The following HPSE2 variants were observed in gnomAD, a reference collection of about 807,000 sequenced individuals.
The protein encoded by HPSE2 is heparanase 2 (inactive), also known as inactive heparanase-2.
A neutral mutation model predicts 60.5 loss-of-function variants in HPSE2; 38 were observed. The ratio of observed to expected loss-of-function variants is 0.63; its 90% CI spans 0.48 to 0.82. The LOEUF is 0.82. HPSE2 is among the 40% of genes least tolerant of loss of function. The pLI is 0.00. For missense variants in HPSE2, 713 were observed against 740.4 expected (o/e 0.96, Z 0.43); for synonymous variants, 295 against 293.2 (o/e 1.01, Z -0.06).
At chr10:98,544,569 C>T (rs1445357033) in intron 9 of HPSE2, among the ~76,000 whole-genome samples, 15 of 151,688 alleles carry the variant, frequency 9.9e-5, no homozygotes, top group Admixed American at 7.2e-4. Context: ...AAAAATTAGC[C>T]GGGCGTGGTG....
chr10:98,771,026 T>C (rs576113893), intron 3 of HPSE2, among the ~76,000 whole-genome samples: 1 of 152,062 alleles, frequency 6.6e-6, no homozygotes, highest in South Asian at 2.1e-4. Context: ...GAGGAGAAAA[T>C]ATCTATCAAG....
intron 3 of HPSE2, among the ~76,000 whole-genome samples, chr10:99,003,731 A>G (rs1956828745): frequency 6.6e-6 from 1 of 152,070 alleles, no homozygotes; most frequent in African/African-American, 2.4e-5. Flanking sequence ...TGAACCCTTT[A>G]CCAGATGGAT....
chr10:98,619,340 TGA>T (rs1946009511), intron 8 of HPSE2, among the ~76,000 whole-genome samples: 1 of 152,236 alleles, frequency 6.6e-6, no homozygotes, highest in African/African-American at 2.4e-5. Flanking sequence ...GGCAGGCTAA[TGA>T]GAGGCCCTTA....
chr10:98,922,894 C>T (rs1230431447), intron 3 of HPSE2, among the ~76,000 whole-genome samples: 2 of 152,116 alleles, frequency 1.3e-5, no homozygotes, highest in South Asian at 2.1e-4. Flanking sequence ...ATTGGTTCAT[C>T]GTTTATTCTT....
At chr10:98,791,405 T>C (rs1217449367) in intron 3 of HPSE2, among the ~76,000 whole-genome samples, 2 of 152,136 alleles carry the variant, frequency 1.3e-5, no homozygotes, top group Non-Finnish European at 2.9e-5. Flanking sequence ...TGTTGAGGAA[T>C]GGGAATGCGC....
At chr10:99,173,286 G>A (rs1027141231) in intron 2 of HPSE2, among the ~76,000 whole-genome samples, 26 of 152,068 alleles carry the variant, frequency 1.7e-4, no homozygotes, top group African/African-American at 6.0e-4. Context: ...AGGAGAGCTG[G>A]GAAGCAAAGA....
At chr10:99,144,722 A>G (rs1373021912) in intron 2 of HPSE2, among the ~76,000 whole-genome samples, 1 of 152,084 alleles carries the variant, frequency 6.6e-6, no homozygotes, top group Non-Finnish European at 1.5e-5. Context: ...AACATATCTT[A>G]CCGTTTTCCA....
intron 3 of HPSE2, among the ~76,000 whole-genome samples, chr10:99,053,314 T>C (rs1193217275): frequency 1.3e-5 from 2 of 152,082 alleles, no homozygotes; most frequent in African/African-American, 4.8e-5. Flanking sequence ...CTAAGTAGAT[T>C]GTGATAAGTT....
intron 3 of HPSE2, among the ~76,000 whole-genome samples, chr10:98,968,489 C>T (rs1209710026): frequency 6.6e-6 from 1 of 152,162 alleles, no homozygotes; most frequent in African/African-American, 2.4e-5. Flanking sequence ...ACCCAGCAAT[C>T]CGACTACTGG....
chr10:98,925,348 CTTTTA>C (rs1043999181), intron 3 of HPSE2, among the ~76,000 whole-genome samples: 1 of 138,976 alleles, frequency 7.2e-6, no homozygotes, highest in African/African-American at 2.8e-5. Flanking sequence ...TTATTTAAAC[CTTTTA>C]TTTTAATTGG....
At chr10:98,690,964 C>T (rs1342509598) in intron 6 of HPSE2, among the ~76,000 whole-genome samples, 1 of 152,158 alleles carries the variant, frequency 6.6e-6, no homozygotes, top group African/African-American at 2.4e-5. Context: ...GCTCAACATC[C>T]CAATACTGAA....
chr10:98,755,993 T>A (rs2134370114), intron 3 of HPSE2, among the ~76,000 whole-genome samples: 1 of 151,900 alleles, frequency 6.6e-6, no homozygotes, highest in Non-Finnish European at 1.5e-5. Flanking sequence ...AGATTCTGTC[T>A]CAAAAAAACA....
chr10:98,546,895 A>G (rs1374504674), intron 9 of HPSE2, among the ~76,000 whole-genome samples: 1 of 148,848 alleles, frequency 6.7e-6, no homozygotes, highest in African/African-American at 2.5e-5. Flanking sequence ...AAATTTTCTC[A>G]ACCTACTCAT....
At chr10:98,572,905 T>A (rs1589439572) in intron 9 of HPSE2, among the ~76,000 whole-genome samples, 1 of 152,216 alleles carries the variant, frequency 6.6e-6, no homozygotes, top group Non-Finnish European at 1.5e-5. Flanking sequence ...AGGAACTGAC[T>A]GTGTGCCCAG....
chr10:98,652,531 G>T (rs1194407749), intron 6 of HPSE2, among the ~76,000 whole-genome samples: 1 of 152,164 alleles, frequency 6.6e-6, no homozygotes, highest in Non-Finnish European at 1.5e-5. Context: ...CAACAGAGCA[G>T]TTTTTACCCC....
At chr10:98,842,456 T>C (rs925850728) in intron 3 of HPSE2, among the ~76,000 whole-genome samples, 1 of 151,878 alleles carries the variant, frequency 6.6e-6, no homozygotes, top group Non-Finnish European at 1.5e-5. Flanking sequence ...ATGTCAATGA[T>C]GTAAAGTTGA....
rs78793576 is a variant in HPSE2 at position 98,882,132 on chromosome 10, C to T, written c.611-138076G>A. On this transcript the variant is annotated intron_variant, in intron 3 of 11. Transcript: ENST00000370552. ...GCCTTTCTCCATTAGATAAGCATGC[C>T]TTGGGTAGCTGCTAGTCTGAGTAAG... is the stretch of plus-strand genomic sequence containing the variant. 8.0e-3 allele frequency among the ~76,000 whole-genome samples: 1,224 copies of T among 152,098 alleles called. 14 individuals are homozygous for T. Among genetic ancestry groups the T allele is most frequent in the African/African-American group, 0.027 (1,130 of 41,500 alleles).
chr10:98,988,031 G>C lies in HPSE2; in HGVS notation c.610+156207C>G, dbSNP rs559058404. On this transcript the variant is annotated intron_variant, in intron 3 of 11. Transcript: ENST00000370552. ...AATGGAAGAACATTCCATGCTCATG[G>C]ATAGGAAGAATCAATATCGTGAAAA... is the stretch of plus-strand genomic sequence containing the variant. Among the ~76,000 whole-genome samples the C allele has an allele frequency of 2.0e-5, 3 of 152,330 alleles. No homozygotes were observed. In the East Asian group the frequency reaches 5.8e-4, roughly 29 times the overall value.
intron 2 of HPSE2, among the ~76,000 whole-genome samples, chr10:99,192,826 T>C (rs1398253626): frequency 6.6e-6 from 1 of 152,098 alleles, no homozygotes; most frequent in Admixed American, 6.5e-5. Flanking sequence ...ATAAAAACTT[T>C]CTCAGACAAA....
Sources: allele counts gnomAD v4.1 joint callset (sites outside exome capture counted in the v4.1 genomes callset), GRCh38; gene constraint gnomAD v4.1.1; transcripts MANE v1.5; gene names NCBI Gene and HGNC (gene_info 2026-07-23, HGNC 2026-07-21).